Variants in ZGRF1 observed in about 807,000 individuals in gnomAD.
The protein encoded by ZGRF1 is 5'-3' DNA helicase ZGRF1.
A neutral mutation model predicts 203.5 loss-of-function variants in ZGRF1; 196 were observed. That is an observed-to-expected ratio of 0.96 (90% CI 0.86 to 1.08). ZGRF1 has a LOEUF of 1.08. Among genes scored for constraint, ZGRF1 ranks in the 50% least tolerant of loss-of-function variants. The pLI, the probability that ZGRF1 is intolerant of heterozygous loss-of-function variation, is 0.00. For missense variants in ZGRF1, 2,326 were observed against 2,416.3 expected (o/e 0.96, Z 0.78); for synonymous variants, 809 against 841.3 (o/e 0.96, Z 0.66).
chr4:112,626,136 A>T (rs1256273771), intron 3 of ZGRF1, among the ~76,000 whole-genome samples: 3 of 152,024 alleles, frequency 2.0e-5, no homozygotes, highest in Admixed American at 6.6e-5. Flanking sequence ...TGAGTATGAG[A>T]TTTCTTTTGG....
intron 3 of ZGRF1, among the ~76,000 whole-genome samples, chr4:112,629,318 A>C (rs2047333383): frequency 6.6e-6 from 1 of 152,238 alleles, no homozygotes. Flanking sequence ...AATACTTTTG[A>C]ATTATGATCA....
chr4:112,553,606 G>C (rs115828964), intron 22 of ZGRF1, among the ~76,000 whole-genome samples: 1 of 152,272 alleles, frequency 6.6e-6, no homozygotes, highest in East Asian at 1.9e-4. Flanking sequence ...AGGATGACTC[G>C]GTCATGGTGA....
intron 3 of ZGRF1, chr4:112,628,503 A>C: frequency 1.4e-5 from 6 of 443,594 alleles, no homozygotes; most frequent in South Asian, 9.5e-5. Flanking sequence ...TGGAAGATGA[A>C]TAACTTTGAC....
At position 112,619,531 on chromosome 4, in the gene ZGRF1, T is replaced by C. The variant is rs1451463586; in HGVS notation, c.511A>G (p.Asn171Asp). ...ATGTTCTCAGGGTCTGCCAGTATAT[T>C]ATTTACATCTTTCTTGCCAACAGTA... ...FPTVGKKDVN[N>D]ILADPENIVT... is the part of the protein sequence containing the mutation. Residue 171 changes from asparagine to aspartate, a missense_variant, in exon 6 of 28, where the codon AAT becomes GAT. Coordinates refer to ENST00000505019, the MANE Select transcript of ZGRF1 (RefSeq NM_018392.5). The C allele has an allele frequency of 6.2e-7, 1 of 1,614,126 alleles. No homozygotes were observed. The highest frequency in any genetic ancestry group is 1.1e-5 in the South Asian group (1 of 91,070).
chr4:112,617,714 T>C lies in ZGRF1; in HGVS notation c.2328A>G (p.Lys776=). 1 of 1,614,154 alleles carries C rather than the reference T, an allele frequency of 6.2e-7. No individual in the cohort carries two copies. Among genetic ancestry groups the C allele is most frequent in the Non-Finnish European group, 8.5e-7 (1 of 1,180,012 alleles). The change falls in exon 6 of 28, where the codon AAA becomes AAG. Residue 776 remains lysine (K), a synonymous_variant. Coordinates refer to ENST00000505019, the MANE Select transcript of ZGRF1 (RefSeq NM_018392.5). ...GTTCAGATATATGTGCTTCTGTGTC[T>C]TTGGAAATAAGATGCTTTTTTCCCA... is the stretch of plus-strand genomic sequence containing the variant. ...YPLGKKHLIS[K]DTEAHISEPE... is the part of the protein sequence containing the mutation.
chr4:112,542,798 T>TTTTTC (rs528373591), intron 24 of ZGRF1, among the ~76,000 whole-genome samples: 11 of 151,764 alleles, frequency 7.2e-5, no homozygotes, highest in African/African-American at 2.7e-4. Flanking sequence ...CCTTCTTTCT[T>TTTTTC]TTTTCTTTTC....
In ZGRF1 at chr4:112,541,169, C is replaced by T; in HGVS notation, c.5698G>A (p.Val1900Ile). 1 of 1,612,198 alleles carries T rather than the reference C, an allele frequency of 6.2e-7. No homozygotes were observed. The highest frequency in any genetic ancestry group is 1.1e-5 in the South Asian group (1 of 90,668). ...AAAGGGCTCCGCTCTATTTCTGTTA[C>T]ACCATTCATGAGGGCTCCTTTGTAA... ...LFYKGALMNG[V>I]TEIERSPLLE... Residue 1900 changes from valine to isoleucine, a missense_variant, in exon 25 of 28, where the codon GTA becomes ATA. By Grantham distance (29) the Val-to-Ile change is conservative. Transcript: ENST00000505019.
intron 8 of ZGRF1, among the ~76,000 whole-genome samples, chr4:112,606,459 C>T (rs1046154590): frequency 3.3e-5 from 5 of 152,040 alleles, no homozygotes; most frequent in African/African-American, 7.2e-5. Flanking sequence ...GTCAGGAGTT[C>T]GAGACCAGCC....
chr4:112,574,919 G>A (rs887911409), intron 16 of ZGRF1, among the ~76,000 whole-genome samples: 8 of 151,846 alleles, frequency 5.3e-5, no homozygotes, highest in Admixed American at 3.3e-4. Context: ...CCACCTACTC[G>A]GGAGACTGAG....
chr4:112,586,484 G>A lies in ZGRF1; in HGVS notation c.3877C>T (p.Pro1293Ser), dbSNP rs747738484. ...QIHIPAVFQS[P>S]AHYKQTFTSC... ...GTGAAAGTCTGCTTATAATGAGCAG[G>A]AGACTGAAAAACAGCTGGTATGTGA... Residue 1293 changes from proline to serine, a missense_variant, in exon 13 of 28, where the codon CCT (proline) becomes TCT (serine). Physicochemically the swap from Pro to Ser is moderately conservative, Grantham distance 74. Transcript: ENST00000505019. 6.2e-6 allele frequency: 10 copies of A among 1,612,814 alleles called. No individual in the cohort carries two copies. The highest frequency in any genetic ancestry group is 8.5e-6 in the Non-Finnish European group (10 of 1,179,276).
rs1199834306 is a variant in ZGRF1 at position 112,617,773 on chromosome 4, T to G, written c.2269A>C (p.Asn757His). The change falls in exon 6 of 28, where the codon AAT becomes CAT. Residue 757 changes from asparagine (N) to histidine (H), a missense_variant. Transcript: ENST00000505019. ...AACAAAGAATTGGAAATGTGGGTAT[T>G]TGATTTATCAAGTGCAATACATTCA... is the stretch of plus-strand genomic sequence containing the variant. ...HYECIALDKS[N>H]THISNSLFYP... The G allele has an allele frequency of 6.2e-7, 1 of 1,614,124 alleles. No individual in the cohort carries two copies. The highest frequency in any genetic ancestry group is 8.5e-7 in the Non-Finnish European group (1 of 1,179,972).
chr4:112,618,650 T>C lies in ZGRF1; in HGVS notation c.1392A>G (p.Thr464=), dbSNP rs764959242. 1 of 1,613,272 alleles carries C rather than the reference T, an allele frequency of 6.2e-7. No individual in the cohort carries two copies. The highest frequency in any genetic ancestry group is 1.3e-5 in the African/African-American group (1 of 74,940). The change falls in exon 6 of 28, where the codon ACA becomes ACG. Residue 464 remains threonine, a synonymous_variant. Transcript: ENST00000505019. ...CATACTCCTTTTCCAGTGTTCCACATGTATTTACCTCCTGAGCATTTTCTT... is the reference window on the plus strand; with the variant it reads ...CATACTCCTTTTCCAGTGTTCCACACGTATTTACCTCCTGAGCATTTTCTT... ...LIKENAQEVN[T]CGTLEKEYEQ... is the part of the protein sequence containing the mutation.
chr4:112,595,847 C>T (rs1748910745), intron 10 of ZGRF1, among the ~76,000 whole-genome samples: 1 of 152,104 alleles, frequency 6.6e-6, no homozygotes, highest in Non-Finnish European at 1.5e-5. Flanking sequence ...GTCTAAATGA[C>T]TACTCTTCTT....
At chr4:112,547,117 T>G (rs183150012) in intron 24 of ZGRF1, among the ~76,000 whole-genome samples, 168 bp downstream of exon 24, 21 of 152,204 alleles carry the variant, frequency 1.4e-4, no homozygotes, top group Non-Finnish European at 2.5e-4. Context: ...ACTTAAATTA[T>G]AGGGTTCCAC....
chr4:112,629,975 T>C, intron 3 of ZGRF1: 1 of 275,766 alleles, frequency 3.6e-6, no homozygotes. Flanking sequence ...GCCAAGACTG[T>C]GCCACTGCAC....
chr4:112,582,247 T>C (rs1030712651), intron 15 of ZGRF1, among the ~76,000 whole-genome samples: 1 of 151,890 alleles, frequency 6.6e-6, no homozygotes, highest in African/African-American at 2.4e-5. Context: ...TTCTGATATA[T>C]ACAATAAATT....
intron 16 of ZGRF1, among the ~76,000 whole-genome samples, chr4:112,580,705 C>A (rs1017391441): frequency 1.3e-3 from 195 of 152,166 alleles, no homozygotes; most frequent in Middle Eastern, 6.8e-3. Context: ...CATCAGAGAA[C>A]TGCAAATCAA....
chr4:112,580,734 T>C (rs1404001041), intron 16 of ZGRF1, among the ~76,000 whole-genome samples: 1 of 152,126 alleles, frequency 6.6e-6, no homozygotes, highest in Non-Finnish European at 1.5e-5. Context: ...TGAGATACCA[T>C]CTCACACCAG....
At chr4:112,626,897 C>T (rs976124954) in intron 3 of ZGRF1, among the ~76,000 whole-genome samples, 1 of 152,138 alleles carries the variant, frequency 6.6e-6, no homozygotes, top group Non-Finnish European at 1.5e-5. Flanking sequence ...CCTCCACCTC[C>T]CAGATTCAAG....
Sources: gnomAD v4.1 joint callset for allele counts (sites outside exome capture counted in the v4.1 genomes callset) on GRCh38, gnomAD v4.1.1 for gene constraint, MANE v1.5 for transcripts, NCBI Gene and HGNC (gene_info 2026-07-23, HGNC 2026-07-21) for gene names.